The following RB1CC1 variants were observed in gnomAD, a reference collection of about 807,000 sequenced individuals.
RB1CC1 encodes RB1-inducible coiled-coil protein 1.
In RB1CC1, 46 loss-of-function variants were observed where a neutral mutation model predicts 177.5. The observed-to-expected ratio is 0.26, with a 90% CI of 0.20 to 0.33. The LOEUF (loss-of-function observed/expected upper bound fraction) is 0.33, where lower values mean the gene tolerates loss of function less well. Ranked by LOEUF, RB1CC1 falls within the 10% of genes least tolerant of loss-of-function variation. RB1CC1 has a pLI of 1.00. For missense variants in RB1CC1, 1,703 were observed against 1,816.3 expected (o/e 0.94, Z 1.13); for synonymous variants, 666 against 613.6 (o/e 1.09, Z -1.26).
At chr8:52,676,292 A>C in intron 6 of RB1CC1, 77 bp downstream of exon 6, 1 of 1,346,828 alleles carries the variant, frequency 7.4e-7, no homozygotes, top group Non-Finnish European at 1.0e-6. Flanking sequence ...TAAGAAACAA[A>C]TTTGCAGTAA....
chr8:52,669,582 A>G (rs1445913205), intron 7 of RB1CC1, among the ~76,000 whole-genome samples: 2 of 152,196 alleles, frequency 1.3e-5, no homozygotes, highest in African/African-American at 2.4e-5. Flanking sequence ...TAACAAAACC[A>G]TTATTTCAGA....
Position 52,695,401 on chromosome 8 carries a change from A to T in RB1CC1, c.-166-8434T>A, listed in dbSNP as rs117125205. ...CTGGCCTTTGCCCTTCGCTACTGGGAGGTGATCTCTAGGCCCCTGTAATAT... is the reference window on the plus strand; with the variant it reads ...CTGGCCTTTGCCCTTCGCTACTGGGTGGTGATCTCTAGGCCCCTGTAATAT... On this transcript the variant is annotated intron_variant, in intron 1 of 23. Transcript: ENST00000025008. 6.2e-3 allele frequency among the ~76,000 whole-genome samples: 940 copies of T among 152,348 alleles called. 11 individuals are homozygous for T. The highest frequency in any genetic ancestry group is 9.8e-3 in the Non-Finnish European group (667 of 68,024).
intron 19 of RB1CC1, among the ~76,000 whole-genome samples, chr8:52,635,239 A>G (rs574263624): frequency 6.6e-6 from 1 of 152,194 alleles, no homozygotes; most frequent in Non-Finnish European, 1.5e-5. Flanking sequence ...TGTAGTAAAA[A>G]TCTGAGATCT....
intron 18 of RB1CC1, among the ~76,000 whole-genome samples, chr8:52,636,857 G>A (rs1022889795): frequency 6.6e-6 from 1 of 152,128 alleles, no homozygotes; most frequent in Non-Finnish European, 1.5e-5. Context: ...TTTCCTTCAC[G>A]GAACCGTCTC....
At chr8:52,689,758 C>T (rs16918093) in intron 1 of RB1CC1, among the ~76,000 whole-genome samples, 28,118 of 151,900 alleles carry the variant, frequency 0.19, 2,784 homozygotes, top group Middle Eastern at 0.26. Context: ...CAGTTTTCCA[C>T]GCTTAGGATT....
intron 5 of RB1CC1, among the ~76,000 whole-genome samples, chr8:52,680,588 T>C (rs1156345903): frequency 6.6e-6 from 1 of 152,166 alleles, no homozygotes; most frequent in African/African-American, 2.4e-5. Flanking sequence ...GTCAAAAGAA[T>C]GTACTAGGAC....
chr8:52,642,709 T>A lies in RB1CC1; in HGVS notation c.4091A>T (p.Asp1364Val). 6.3e-7 allele frequency: 1 copy of A among 1,576,624 alleles called. No individual in the cohort carries two copies. Among genetic ancestry groups the A allele is most frequent in the Non-Finnish European group, 8.6e-7 (1 of 1,168,496 alleles). ...TAGTACAAAACAGTACAAACCTTTA[T>A]CCCGTTCTTGTTGCTGCATTGTACT... ...LKSTMQQQER[D>V]KDLIESLSED... is the part of the protein sequence containing the mutation. The change falls in exon 17 of 24, where the codon GAT (aspartate) becomes GTT (valine). Residue 1364 changes from aspartate to valine, a missense_variant. This residue lies in a region of RB1CC1 where 1,169 missense variants were observed against 1,184.7 expected (regional missense o/e 0.99). Coordinates refer to ENST00000025008, the MANE Select transcript of RB1CC1 (RefSeq NM_014781.5).
intron 1 of RB1CC1, among the ~76,000 whole-genome samples, chr8:52,695,550 C>T (rs1285952411): frequency 6.6e-6 from 1 of 152,196 alleles, no homozygotes; most frequent in African/African-American, 2.4e-5. Context: ...ATTGGTCTGA[C>T]CTCCAGAAAG....
chr8:52,667,118 A>G (rs1016011148), intron 8 of RB1CC1, among the ~76,000 whole-genome samples: 1 of 152,224 alleles, frequency 6.6e-6, no homozygotes, highest in African/African-American at 2.4e-5. Context: ...ACCAAAAGTA[A>G]AATGCTAACA....
chr8:52,686,732 A>C (rs1262089374), intron 2 of RB1CC1, 121 bp downstream of exon 2: 1 of 291,608 alleles, frequency 3.4e-6, no homozygotes, highest in African/African-American at 2.2e-5. Context: ...TTTCCACATA[A>C]GCCTTAGAGA....
chr8:52,705,961 T>C (rs1856507000), intron 1 of RB1CC1, among the ~76,000 whole-genome samples: 1 of 152,174 alleles, frequency 6.6e-6, no homozygotes, highest in Non-Finnish European at 1.5e-5. Context: ...GTGATTCTGT[T>C]TGTGGATTTT....
chr8:52,696,472 G>C (rs1855423067), intron 1 of RB1CC1, among the ~76,000 whole-genome samples: 1 of 152,122 alleles, frequency 6.6e-6, no homozygotes, highest in Non-Finnish European at 1.5e-5. Context: ...AAAGACTAAA[G>C]AGATTAGGTC....
intron 1 of RB1CC1, among the ~76,000 whole-genome samples, chr8:52,706,680 C>T (rs1362953055): frequency 6.6e-6 from 1 of 150,502 alleles, no homozygotes; most frequent in African/African-American, 2.4e-5. Flanking sequence ...TGCAGTAAGC[C>T]GAGATCTCGC....
chr8:52,655,671 A>G (rs1346092031), intron 15 of RB1CC1, among the ~76,000 whole-genome samples: 1 of 152,110 alleles, frequency 6.6e-6, no homozygotes, highest in African/African-American at 2.4e-5. Context: ...GTAATTTTCT[A>G]CTGAAGAGTT....
Position 52,658,967 on chromosome 8 carries a change from G to C in RB1CC1, c.1699C>G (p.Pro567Ala), listed in dbSNP as rs1851350058. The change falls in exon 13 of 24, where the codon CCT (proline) becomes GCT (alanine). Residue 567 changes from proline (P) to alanine (A), a missense_variant. Pro to Ala is a conservative substitution (Grantham distance 27). Transcript: ENST00000025008. ...SWPPSFCTQKPRKFDCELPDI... is the reference protein window; with the variant it reads ...SWPPSFCTQKARKFDCELPDI... The stretch of plus-strand genomic sequence containing the variant: ...GGAAGTTCACAGTCAAACTTTCGAG[G>C]CTTTTGAGTCTGTACCAAAAAAATT... The C allele has an allele frequency of 1.3e-6, 2 of 1,542,838 alleles. No homozygotes were observed. The highest frequency in any genetic ancestry group is 1.4e-5 in the African/African-American group (1 of 71,556).
At chr8:52,670,430 A>G (rs1333787967) in intron 7 of RB1CC1, among the ~76,000 whole-genome samples, 1 of 152,208 alleles carries the variant, frequency 6.6e-6, no homozygotes, top group Non-Finnish European at 1.5e-5. Flanking sequence ...ACAAAGGCTA[A>G]CATTATTTTT....
chr8:52,683,645 G>A lies in RB1CC1; in HGVS notation c.273C>T (p.Thr91=). The change falls in exon 5 of 24, where the codon ACC becomes ACT. Residue 91 remains threonine (T), a synonymous_variant. Transcript: ENST00000025008. ...CDRPPAIPKT[T]FSTENDMEIK... ...TTTCCATGTCATTTTCTGTCGAAAA[G>A]GTAGTTTTAGGAATAGCAGGTGGAC... 2 of 1,612,164 alleles carry A rather than the reference G, an allele frequency of 1.2e-6. No homozygotes were observed. Among genetic ancestry groups the A allele is most frequent in the South Asian group, 1.1e-5 (1 of 90,664 alleles).
At chr8:52,649,543 C>T (rs1850381670) in intron 15 of RB1CC1, among the ~76,000 whole-genome samples, 1 of 152,130 alleles carries the variant, frequency 6.6e-6, no homozygotes, top group African/African-American at 2.4e-5. Context: ...AAAAAAATCT[C>T]TTCTATCACT....
In RB1CC1 at chr8:52,660,750, C is replaced by T. The variant is rs1563397291; in HGVS notation, c.1628-93G>A. On this transcript the variant is annotated intron_variant, in intron 11 of 23. Coordinates refer to ENST00000025008, the MANE Select transcript of RB1CC1 (RefSeq NM_014781.5). ...TTTGAAAAGGTAAATTAAAAGTTGA[C>T]AGTACTTCAAGTTTAAAATTTAACA... The T allele has an allele frequency of 2.0e-5, 25 of 1,257,060 alleles. No individual in the cohort carries two copies. The East Asian group carries it at 5.7e-4, about 29-fold the overall frequency. 77.9% of individuals were successfully genotyped at this position (1,257,060 alleles called of 1,614,324 possible).
Sources: allele counts gnomAD v4.1 joint callset (sites outside exome capture counted in the v4.1 genomes callset), GRCh38; gene constraint gnomAD v4.1.1; regional missense constraint gnomAD v4.1.1; transcripts MANE v1.5; gene names NCBI Gene and HGNC (gene_info 2026-07-23, HGNC 2026-07-21).